The following ITGA9 variants were observed in gnomAD, a reference collection of about 807,000 sequenced individuals.
ITGA9 encodes integrin subunit alpha 9.
A neutral mutation model predicts 127.8 loss-of-function variants in ITGA9; 56 were observed. The ratio of observed to expected loss-of-function variants is 0.44; its 90% CI spans 0.35 to 0.55. ITGA9 has a LOEUF of 0.55. Ranked by LOEUF, ITGA9 falls within the 20% of genes least tolerant of loss-of-function variation. ITGA9 has a pLI of 0.00. For missense variants in ITGA9, 1,196 were observed against 1,347.1 expected, an observed-to-expected ratio of 0.89 and a Z score of 1.76; for synonymous variants, 508 against 514.5, an observed-to-expected ratio of 0.99 and a Z score of 0.17.
intron 18 of ITGA9, among the ~76,000 whole-genome samples, chr3:37,724,627 C>T (rs1048957288): frequency 1.3e-5 from 2 of 152,174 alleles, no homozygotes; most frequent in Non-Finnish European, 2.9e-5. Context: ...TCCCAAGTAG[C>T]TGGGATTACA....
chr3:37,672,409 G>GT (rs1433988887), intron 17 of ITGA9, among the ~76,000 whole-genome samples: 1 of 152,196 alleles, frequency 6.6e-6, no homozygotes, highest in South Asian at 2.1e-4. Context: ...CTGCCACCAT[G>GT]TAAGACGTGA....
chr3:37,626,417 T>C (rs943319563), intron 15 of ITGA9, among the ~76,000 whole-genome samples: 4 of 152,150 alleles, frequency 2.6e-5, no homozygotes, highest in Admixed American at 6.6e-5. Flanking sequence ...CCCAGCACTT[T>C]GGGAAGATGA....
intron 18 of ITGA9, among the ~76,000 whole-genome samples, chr3:37,726,558 A>G (rs1696205755): frequency 6.6e-6 from 1 of 152,242 alleles, no homozygotes; most frequent in Admixed American, 6.5e-5. Flanking sequence ...TCTTCCAACC[A>G]CTGCACGTTA....
chr3:37,682,275 G>C (rs935351538), intron 17 of ITGA9, among the ~76,000 whole-genome samples: 8 of 152,008 alleles, frequency 5.3e-5, no homozygotes, highest in Non-Finnish European at 8.8e-5. Context: ...TCCTCCCATC[G>C]TGCCACTTCA....
intron 15 of ITGA9, among the ~76,000 whole-genome samples, chr3:37,595,426 C>T (rs1266355782): frequency 6.6e-6 from 1 of 152,216 alleles, no homozygotes; most frequent in Non-Finnish European, 1.5e-5. Flanking sequence ...ACAGAGCAAA[C>T]AACCAAAATT....
intron 17 of ITGA9, among the ~76,000 whole-genome samples, chr3:37,663,634 G>A (rs927147771): frequency 2.6e-5 from 4 of 152,168 alleles, no homozygotes; most frequent in African/African-American, 9.7e-5. Flanking sequence ...CTCAAAAGTG[G>A]CAGAATGGTT....
At chr3:37,512,078 TTCCTTCCTTCCTTCC>T (rs1559524701) in intron 8 of ITGA9, among the ~76,000 whole-genome samples, 6 of 74,688 alleles carry the variant, frequency 8.0e-5, no homozygotes, top group African/African-American at 3.0e-4. Context: ...CTTTCTTTCC[TTCCTTCCTTCCTTCC>T]TTCCTTCCTT....
chr3:37,771,093 A>G (rs1288985085), intron 23 of ITGA9, among the ~76,000 whole-genome samples: 1 of 152,170 alleles, frequency 6.6e-6, no homozygotes, highest in African/African-American at 2.4e-5. Flanking sequence ...AGGCCCTGAG[A>G]GATAAGCAGC....
intron 15 of ITGA9, among the ~76,000 whole-genome samples, chr3:37,567,958 G>C (rs371529932): frequency 6.6e-6 from 1 of 152,158 alleles, no homozygotes; most frequent in Non-Finnish European, 1.5e-5. Flanking sequence ...GATGGGGGCC[G>C]TCTTCTCACA....
intron 15 of ITGA9, among the ~76,000 whole-genome samples, chr3:37,583,447 T>C (rs536762293): frequency 1.2e-4 from 18 of 152,314 alleles, no homozygotes; most frequent in Middle Eastern, 6.8e-3. Context: ...TATTTTCTGT[T>C]GAGGGTTCCA....
At chr3:37,466,594 C>T (rs752608067) in intron 1 of ITGA9, among the ~76,000 whole-genome samples, 9 of 147,238 alleles carry the variant, frequency 6.1e-5, no homozygotes, top group Non-Finnish European at 1.0e-4. Flanking sequence ...ATCTCTTCTA[C>T]TGGCTCCAAA....
intron 15 of ITGA9, among the ~76,000 whole-genome samples, chr3:37,587,013 G>T (rs893332606): frequency 6.6e-6 from 1 of 152,194 alleles, no homozygotes; most frequent in African/African-American, 2.4e-5. Context: ...TTTAGTGTTG[G>T]CATGTTTCCC....
At chr3:37,493,633 A>C (rs1579062797) in intron 4 of ITGA9, among the ~76,000 whole-genome samples, 1 of 151,496 alleles carries the variant, frequency 6.6e-6, no homozygotes, top group South Asian at 2.1e-4. Context: ...CTGAGGTAGA[A>C]TCCTGGCATT....
At position 37,612,613 on chromosome 3, in the gene ITGA9, A is replaced by G. The variant is rs73824846; in HGVS notation, c.1690-16574A>G. 3.1e-3 allele frequency among the ~76,000 whole-genome samples: 473 copies of G among 152,376 alleles called. 3 individuals are homozygous for G. Among genetic ancestry groups the G allele is most frequent in the African/African-American group, 0.01 (430 of 41,598 alleles). ...TAAAGAAGGAAAATTCTTTTCCTCT[A>G]TCTAAATCCACAGATGCCCTGAATT... On this transcript the variant is annotated intron_variant, in intron 15 of 27. Transcript: ENST00000264741.
intron 23 of ITGA9, 98 bp from the exon 24 acceptor site, chr3:37,777,294 A>T (rs1696919895): frequency 3.7e-6 from 5 of 1,358,682 alleles, no homozygotes; most frequent in Non-Finnish European, 5.3e-6. Flanking sequence ...GGAAAGGTGA[A>T]TTGGGGTTCT....
chr3:37,523,709 G>A (rs1699066657), intron 12 of ITGA9, 98 bp downstream of exon 12: 1 of 875,182 alleles, frequency 1.1e-6, no homozygotes, highest in East Asian at 2.5e-5. Flanking sequence ...CATCCATTTA[G>A]GATTAGGACA....
chr3:37,696,991 C>A (rs775109548), intron 18 of ITGA9, among the ~76,000 whole-genome samples: 4 of 151,976 alleles, frequency 2.6e-5, no homozygotes, highest in Non-Finnish European at 5.9e-5. Context: ...GAAACCAGGG[C>A]GAGATATCCA....
intron 27 of ITGA9, among the ~76,000 whole-genome samples, chr3:37,811,569 C>T (rs1697368907): frequency 6.6e-6 from 1 of 152,192 alleles, no homozygotes; most frequent in Non-Finnish European, 1.5e-5. Flanking sequence ...GCTTCCCTCT[C>T]ACCCTCCTCC....
intron 26 of ITGA9, among the ~76,000 whole-genome samples, chr3:37,795,702 C>T (rs62241535): frequency 1.3e-4 from 20 of 152,210 alleles, no homozygotes; most frequent in Non-Finnish European, 2.4e-4. Context: ...CTGCCTTCCC[C>T]AGCTCAGCCT....
Sources: gnomAD v4.1 joint callset for allele counts (sites outside exome capture counted in the v4.1 genomes callset) on GRCh38, gnomAD v4.1.1 for gene constraint, MANE v1.5 for transcripts, NCBI Gene and HGNC (gene_info 2026-07-23, HGNC 2026-07-21) for gene names.